The following TNIK variants were observed in gnomAD, a reference collection of about 807,000 sequenced individuals.
TNIK encodes TRAF2 and NCK-interacting protein kinase.
Under a neutral mutation model 191.3 loss-of-function variants are expected in TNIK, and 49 were observed. That is an observed-to-expected ratio of 0.26 (90% CI 0.20 to 0.32). The LOEUF (loss-of-function observed/expected upper bound fraction) is 0.32. Among genes scored for constraint, TNIK ranks in the 10% least tolerant of loss-of-function variants. TNIK has a pLI of 1.00. For synonymous variants in TNIK, 594 were observed against 600.9 expected, an observed-to-expected ratio of 0.99 and a Z score of 0.17; for missense variants, 1,155 against 1,702.3, an observed-to-expected ratio of 0.68 and a Z score of 5.66.
At chr3:171,168,373 A>G (rs1280980593) in intron 9 of TNIK, among the ~76,000 whole-genome samples, 1 of 152,090 alleles carries the variant, frequency 6.6e-6, no homozygotes, top group Non-Finnish European at 1.5e-5. Flanking sequence ...ACAGGAGTGG[A>G]TCCCAGGACT....
chr3:171,266,000 C>G (rs1003880792), intron 2 of TNIK, among the ~76,000 whole-genome samples: 1 of 152,196 alleles, frequency 6.6e-6, no homozygotes, highest in Admixed American at 6.5e-5. Flanking sequence ...CATGACATGG[C>G]CCAGCATACT....
chr3:171,277,501 A>AG (rs1188468596), intron 2 of TNIK, among the ~76,000 whole-genome samples: 1 of 149,202 alleles, frequency 6.7e-6, no homozygotes, highest in East Asian at 1.9e-4. Flanking sequence ...TATTTTGATT[A>AG]AAAAAAAAAC....
At chr3:171,194,374 C>T in intron 5 of TNIK, 151 bp downstream of exon 5, 1 of 666,530 alleles carries the variant, frequency 1.5e-6, no homozygotes, top group Non-Finnish European at 2.6e-6. Flanking sequence ...CCACTACCAC[C>T]ACCACCACCA....
chr3:171,191,887 A>G (rs1738106091), intron 5 of TNIK, among the ~76,000 whole-genome samples: 1 of 152,248 alleles, frequency 6.6e-6, no homozygotes, highest in Non-Finnish European at 1.5e-5. Context: ...CTAAAAATGG[A>G]GTCTTAAAGC....
rs1722314067 is a variant in TNIK at position 171,093,405 on chromosome 3, T to C, written c.2721+434A>G. Among the ~76,000 whole-genome samples the C allele has an allele frequency of 2.6e-5, 4 of 152,364 alleles. No homozygotes were observed. In the South Asian group the frequency reaches 8.3e-4, roughly 32 times the overall value. On this transcript the variant is annotated intron_variant, in intron 23 of 32. Coordinates refer to ENST00000436636, the MANE Select transcript of TNIK (RefSeq NM_015028.4). ...TTAATGTTAATTTAACAAGATAAGATGATATCATCATTTCTTGGAACTATT... is the reference window on the plus strand; with the variant it reads ...TTAATGTTAATTTAACAAGATAAGACGATATCATCATTTCTTGGAACTATT...
intron 1 of TNIK, among the ~76,000 whole-genome samples, chr3:171,442,061 G>T (rs1300178118): frequency 1.3e-5 from 2 of 152,160 alleles, no homozygotes; most frequent in African/African-American, 2.4e-5. Flanking sequence ...CAGAATATTT[G>T]TCAAAGGGGA....
rs533214538 is a variant in TNIK at position 171,392,427 on chromosome 3, A to G, written c.58-22742T>C. Reference sequence around the variant, plus strand: ...AATTAATGTGTAGCACTTTCAGCATATGAAAACAGCACTTCCTTCATCTTC... The same window carrying G: ...AATTAATGTGTAGCACTTTCAGCATGTGAAAACAGCACTTCCTTCATCTTC... On this transcript the variant is annotated intron_variant, in intron 1 of 32. Transcript: ENST00000436636. Among the ~76,000 whole-genome samples the G allele has an allele frequency of 3.9e-5, 6 of 152,332 alleles. No homozygotes were observed. The South Asian group carries it at 8.3e-4, about 21-fold the overall frequency.
chr3:171,438,425 A>G (rs748406769), intron 1 of TNIK, among the ~76,000 whole-genome samples: 36 of 152,304 alleles, frequency 2.4e-4, no homozygotes, highest in Non-Finnish European at 4.0e-4. Flanking sequence ...TCGCCTGTCC[A>G]CTCAGTTATA....
intron 1 of TNIK, among the ~76,000 whole-genome samples, chr3:171,403,008 G>A (rs1721146127): frequency 6.6e-6 from 1 of 152,268 alleles, no homozygotes; most frequent in South Asian, 2.1e-4. Context: ...TTCTCTGAAA[G>A]CTACTGAAAA....
intron 9 of TNIK, among the ~76,000 whole-genome samples, chr3:171,174,893 A>C (rs1055808976): frequency 6.6e-6 from 1 of 152,024 alleles, no homozygotes; most frequent in Non-Finnish European, 1.5e-5. Flanking sequence ...AAATCAGCCA[A>C]TCTAACAGGC....
At chr3:171,430,741 A>C (rs977519629) in intron 1 of TNIK, among the ~76,000 whole-genome samples, 6 of 152,032 alleles carry the variant, frequency 3.9e-5, no homozygotes, top group Non-Finnish European at 7.4e-5. Context: ...ACAAAAATAA[A>C]TGTTTTTATT....
intron 1 of TNIK, among the ~76,000 whole-genome samples, chr3:171,391,201 CA>C (rs1238414336): frequency 1.3e-5 from 2 of 152,204 alleles, no homozygotes; most frequent in African/African-American, 2.4e-5. Flanking sequence ...ACTGTAAGCC[CA>C]AAAGACAAAA....
chr3:171,403,611 C>CAAAAAAAAAAAAAAAAAA (rs57982642), intron 1 of TNIK, among the ~76,000 whole-genome samples: 1 of 100,168 alleles, frequency 1.0e-5, no homozygotes, highest in Non-Finnish European at 1.9e-5. Flanking sequence ...GACTCCGTAT[C>CAAAAAAAAAAAAAAAAAA]AAAAAAAAAA....
Position 171,101,554 on chromosome 3 carries a change from T to TCAG in TNIK, c.2485_2486insCTG (p.Tyr829delinsSerAsp). 6.2e-7 allele frequency: 1 copy of TCAG among 1,613,406 alleles called. No homozygotes were observed. The highest frequency in any genetic ancestry group is 2.2e-5 in the East Asian group (1 of 44,874). On this transcript the variant is annotated protein_altering_variant, in exon 22 of 33. Coordinates refer to ENST00000436636, the MANE Select transcript of TNIK (RefSeq NM_015028.4). ...TTCTGACTCCTCACTGGAGGAGGAG[T>TCAG]AATCAGTCACCTTCTTCATTGGGCG...
At chr3:171,432,357 A>G (rs889664333) in intron 1 of TNIK, among the ~76,000 whole-genome samples, 2 of 152,216 alleles carry the variant, frequency 1.3e-5, no homozygotes, top group South Asian at 2.1e-4. Context: ...GAAGAAATTC[A>G]ATAGTAAGGA....
intron 1 of TNIK, among the ~76,000 whole-genome samples, chr3:171,416,728 A>G (rs1038473520): frequency 6.6e-6 from 1 of 152,216 alleles, no homozygotes; most frequent in Non-Finnish European, 1.5e-5. Flanking sequence ...TCCACAGGGC[A>G]TCTTTAATAC....
At chr3:171,242,513 A>AT (rs11444884) in intron 2 of TNIK, among the ~76,000 whole-genome samples, 8,114 of 144,978 alleles carry the variant, frequency 0.056, 523 homozygotes, top group African/African-American at 0.16. Context: ...ATCAATCTGC[A>AT]TTTTTTTTTT....
chr3:171,149,561 C>A (rs546095201), intron 12 of TNIK, among the ~76,000 whole-genome samples: 10 of 152,144 alleles, frequency 6.6e-5, no homozygotes, highest in African/African-American at 2.4e-4. Flanking sequence ...TGGCACAACA[C>A]GTAAGTTAGA....
intron 4 of TNIK, 119 bp downstream of exon 4, chr3:171,210,997 A>C: frequency 7.8e-7 from 1 of 1,276,398 alleles, no homozygotes; most frequent in Non-Finnish European, 1.1e-6. Flanking sequence ...TACGGACATC[A>C]TGGGGGCTAA....
Sources: gnomAD v4.1 joint callset for allele counts (sites outside exome capture counted in the v4.1 genomes callset) on GRCh38, gnomAD v4.1.1 for gene constraint, MANE v1.5 for transcripts, NCBI Gene and HGNC (gene_info 2026-07-23, HGNC 2026-07-21) for gene names.